PCDHB11: variants seen among roughly 807,000 people sequenced by gnomAD.
PCDHB11 encodes the protein protocadherin beta 11, also known as protocadherin beta-11.
For missense variants in PCDHB11, 1,151 were observed against 1,003.4 expected, an observed-to-expected ratio of 1.15 and a Z score of -1.99; for synonymous variants, 522 against 442.0, an observed-to-expected ratio of 1.18 and a Z score of -2.27.
rs782031586 is a variant in PCDHB11 at position 141,201,768 on chromosome 5, G to A, written c.1994G>A (p.Gly665Asp). The A allele has an allele frequency of 6.2e-7, 1 of 1,609,170 alleles. No individual in the cohort carries two copies. Among genetic ancestry groups the A allele is most frequent in the Non-Finnish European group, 8.5e-7 (1 of 1,179,756 alleles). The part of the protein sequence containing the change: ...TATLQVLLVD[G>D]FSQPYLPLPE... ...ACGCTGCAAGTGCTCCTGGTGGACG[G>A]CTTCTCCCAGCCCTACCTGCCGCTC... Residue 665 changes from glycine (G) to aspartate (D), a missense_variant, in exon 1 of 1, where the codon GGC (glycine) becomes GAC (aspartate). Gly to Asp is a moderately conservative substitution (Grantham distance 94, BLOSUM62 -1). Coordinates refer to ENST00000354757, the MANE Select transcript of PCDHB11 (RefSeq NM_018931.3).
chr5:141,201,852 C>G lies in PCDHB11; in HGVS notation c.2078C>G (p.Ala693Gly). The G allele has an allele frequency of 6.2e-7, 1 of 1,611,006 alleles. No homozygotes were observed. The highest frequency in any genetic ancestry group is 8.5e-7 in the Non-Finnish European group (1 of 1,179,848). Residue 693 changes from alanine (A) to glycine (G), a missense_variant, in exon 1 of 1, where the codon GCG becomes GGG. By Grantham distance (60) the Ala-to-Gly change is moderately conservative. Coordinates refer to ENST00000354757, the MANE Select transcript of PCDHB11 (RefSeq NM_018931.3). ...ADSLTVYLVV[A>G]LASVSSLFLF... ...TCGCTCACCGTCTACTTGGTGGTGG[C>G]GTTGGCCTCGGTGTCTTCGCTCTTC... is the stretch of plus-strand genomic sequence containing the variant.
chr5:141,202,415 T>A lies in PCDHB11; in HGVS notation c.*247T>A. 1 of 301,828 alleles carries A rather than the reference T, an allele frequency of 3.3e-6. No homozygotes were observed. Among genetic ancestry groups the A allele is most frequent in the Non-Finnish European group, 6.0e-6 (1 of 166,850 alleles). The allele number at this position is 301,828 out of a possible 1,614,324, so 18.7% of individuals were successfully genotyped here. A position where few individuals can be genotyped will look rare whatever the true frequency, so the allele number is the denominator to read the frequency against. On this transcript the variant is annotated 3_prime_UTR_variant, in exon 1 of 1. Transcript: ENST00000354757. ...CTCGGGTTCAAGCAATTCTCCTGCA[T>A]CAGCCTCCCGAGTAGCTGGCATTAC...
In PCDHB11 at chr5:141,202,234, T is replaced by A; in HGVS notation, c.*66T>A. 7.5e-7 allele frequency: 1 copy of A among 1,327,232 alleles called. No homozygotes were observed. The highest frequency in any genetic ancestry group is 1.0e-6 in the Non-Finnish European group (1 of 977,662). The allele number at this position is 1,327,232 out of a possible 1,614,324, so 82.2% of individuals were successfully genotyped here. A position where few individuals can be genotyped will look rare whatever the true frequency, so the allele number is the denominator to read the frequency against. Reference sequence around the variant, plus strand: ...ATGTAACCATATCAATATTATTTAGTCTTAAACTAGTTACGTTATTATGCA... The same window carrying A: ...ATGTAACCATATCAATATTATTTAGACTTAAACTAGTTACGTTATTATGCA... On this transcript the variant is annotated 3_prime_UTR_variant, in exon 1 of 1. Transcript: ENST00000354757.
Position 141,199,873 on chromosome 5 carries a change from T to G in PCDHB11, c.99T>G (p.Phe33Leu). The change falls in exon 1 of 1, where the codon TTT becomes TTG. Residue 33 changes from phenylalanine to leucine, a missense_variant. Coordinates refer to ENST00000354757, the MANE Select transcript of PCDHB11 (RefSeq NM_018931.3). ...AGGCGGGCTCTGAAACCTGGAGCTTTTCTGTGGCAGAAGAAATGCAGAGCG... is the reference window on the plus strand; with the variant it reads ...AGGCGGGCTCTGAAACCTGGAGCTTGTCTGTGGCAGAAGAAATGCAGAGCG... ...MSQAGSETWS[F>L]SVAEEMQSGS... The G allele has an allele frequency of 6.2e-7, 1 of 1,614,138 alleles. No homozygotes were observed. Among genetic ancestry groups the G allele is most frequent in the Non-Finnish European group, 8.5e-7 (1 of 1,180,036 alleles).
At position 141,200,031 on chromosome 5, in the gene PCDHB11, T is replaced by G. The variant is rs1754127297; in HGVS notation, c.257T>G (p.Leu86Ter). Residue 86 changes from leucine (L) to a stop codon, truncating the protein, a stop_gained, in exon 1 of 1, where the codon TTA becomes TGA. Transcript: ENST00000354757. LOFTEE classifies it low-confidence loss of function (END_TRUNC). Reference protein sequence around the residue: ...QLDINTGDLLLSETLDREELC... With the variant: ...QLDINTGDLL ...GACATAAACACTGGGGATTTGCTCT[T>G]AAGTGAAACACTAGACAGGGAGGAG... is the stretch of plus-strand genomic sequence containing the variant. The G allele has an allele frequency of 6.2e-7, 1 of 1,614,156 alleles. No homozygotes were observed. The highest frequency in any genetic ancestry group is 8.5e-7 in the Non-Finnish European group (1 of 1,180,034).
Position 141,200,082 on chromosome 5 carries a change from T to A in PCDHB11, c.308T>A (p.Val103Glu). ...EELCGSIEPCVLHLQVLMQNP... is the reference protein window; with the variant it reads ...EELCGSIEPCELHLQVLMQNP... Reference sequence around the variant, plus strand: ...CTCTGCGGTTCCATCGAGCCTTGCGTGCTACATTTGCAGGTGTTAATGCAA... The same window carrying A: ...CTCTGCGGTTCCATCGAGCCTTGCGAGCTACATTTGCAGGTGTTAATGCAA... The change falls in exon 1 of 1, where the codon GTG (valine) becomes GAG (glutamate). Residue 103 changes from valine to glutamate, a missense_variant. By Grantham distance (121) the Val-to-Glu change is moderately radical. Coordinates refer to ENST00000354757, the MANE Select transcript of PCDHB11 (RefSeq NM_018931.3). 1 of 1,614,176 alleles carries A rather than the reference T, an allele frequency of 6.2e-7. No homozygotes were observed. Among genetic ancestry groups the A allele is most frequent in the Non-Finnish European group, 8.5e-7 (1 of 1,180,038 alleles).
Position 141,200,249 on chromosome 5 carries a change from G to A in PCDHB11, c.475G>A (p.Asp159Asn). 1 of 1,614,146 alleles carries A rather than the reference G, an allele frequency of 6.2e-7. No homozygotes were observed. Among genetic ancestry groups the A allele is most frequent in the Non-Finnish European group, 8.5e-7 (1 of 1,180,026 alleles). ...TGTGTTCTTACTAGAAAGTGCGAAG[G>A]ATTTAGATGTAGGAATCAATGCTGT... is the stretch of plus-strand genomic sequence containing the variant. ...GAVFLLESAK[D>N]LDVGINAVKS... Residue 159 changes from aspartate to asparagine, a missense_variant, in exon 1 of 1, where the codon GAT becomes AAT. Transcript: ENST00000354757.
chr5:141,200,783 G>T lies in PCDHB11; in HGVS notation c.1009G>T (p.Val337Leu). ...TGGAAAATCTACAGTCATAATTCAC[G>T]TGATAGATGTAAATGACAATGCTCC... ...LFGKSTVIIH[V>L]IDVNDNAPEI... The change falls in exon 1 of 1, where the codon GTG (valine) becomes TTG (leucine). Residue 337 changes from valine to leucine, a missense_variant. Physicochemically the swap from Val to Leu is conservative, Grantham distance 32 (BLOSUM62 1). Transcript: ENST00000354757. The T allele has an allele frequency of 5.0e-6, 8 of 1,614,158 alleles. No homozygotes were observed. Among genetic ancestry groups the T allele is most frequent in the East Asian group, 4.5e-5 (2 of 44,884 alleles).
rs781783733 is a variant in PCDHB11, at chr5:141,201,034, C to CA, written c.1261dup (p.Ile421AsnfsTer23). On this transcript the variant is annotated frameshift_variant, in exon 1 of 1. Transcript: ENST00000354757. LOFTEE classifies it low-confidence loss of function (END_TRUNC). ...AGAGCACAGCCGAGTACAATATCAC[C>CA]ATCACCGTCACCGACTTGGGGATAC... The CA allele has an allele frequency of 1.9e-5, 30 of 1,614,200 alleles. No homozygotes were observed. In the South Asian group the frequency reaches 3.1e-4, roughly 17 times the overall value.
chr5:141,201,106 C>T lies in PCDHB11; in HGVS notation c.1332C>T (p.Val444=). ...EHNTTVLVSD[V]NDNAPTFTQT... ...ACACAACTGTGTTGGTCTCTGACGT[C>T]AATGACAACGCCCCCACCTTCACCC... Residue 444 remains valine, a synonymous_variant, in exon 1 of 1, where the codon GTC becomes GTT. Coordinates refer to ENST00000354757, the MANE Select transcript of PCDHB11 (RefSeq NM_018931.3). 6.2e-7 allele frequency: 1 copy of T among 1,614,166 alleles called. No homozygotes were observed. The highest frequency in any genetic ancestry group is 8.5e-7 in the Non-Finnish European group (1 of 1,180,046).
Position 141,200,463 on chromosome 5 carries a change from T to C in PCDHB11, c.689T>C (p.Val230Ala), listed in dbSNP as rs782042403. The change falls in exon 1 of 1, where the codon GTG (valine) becomes GCG (alanine). Residue 230 changes from valine (V) to alanine (A), a missense_variant. Physicochemically the swap from Val to Ala is moderately conservative, Grantham distance 64. Coordinates refer to ENST00000354757, the MANE Select transcript of PCDHB11 (RefSeq NM_018931.3). The stretch of plus-strand genomic sequence containing the variant: ...AGGTCTGGAACTGCCTTGGTCAGGG[T>C]GGTGGTTGTGGACATTAATGACAAC... The part of the protein sequence containing the change: ...PPRSGTALVR[V>A]VVVDINDNSP... 1.2e-6 allele frequency: 2 copies of C among 1,614,010 alleles called. No homozygotes were observed. Among genetic ancestry groups the C allele is most frequent in the East Asian group, 2.2e-5 (1 of 44,882 alleles).
chr5:141,203,049 C>G lies in PCDHB11; in HGVS notation c.*881C>G, dbSNP rs1754243591. The G allele has an allele frequency of 6.6e-6, 1 of 152,020 alleles. No individual in the cohort carries two copies. Among genetic ancestry groups the G allele is most frequent in the South Asian group, 2.1e-4 (1 of 4,816 alleles). 9.4% of individuals were successfully genotyped at this position (152,020 alleles called of 1,614,324 possible). A position where few individuals can be genotyped will look rare whatever the true frequency, so the allele number is the denominator to read the frequency against. On this transcript the variant is annotated 3_prime_UTR_variant, in exon 1 of 1. Coordinates refer to ENST00000354757, the MANE Select transcript of PCDHB11 (RefSeq NM_018931.3). ...TACAATAATTTACTGATTATTATTT[C>G]TTATTCTAGAAAACTGACTTTGATT...
chr5:141,199,631 AG>A lies in PCDHB11; in HGVS notation c.-143del. On this transcript the variant is annotated 5_prime_UTR_variant, in exon 1 of 1. Coordinates refer to ENST00000354757, the MANE Select transcript of PCDHB11 (RefSeq NM_018931.3). ...CAGTGCACACAGAGAATCAGAAGAC[AG>A]AAACAACAAGCCTTCAAGAGGGTGA... The A allele has an allele frequency of 1.5e-6, 1 of 660,982 alleles. No homozygotes were observed. The highest frequency in any genetic ancestry group is 2.6e-6 in the Non-Finnish European group (1 of 391,692). 40.9% of individuals were successfully genotyped at this position (660,982 alleles called of 1,614,324 possible). A position where few individuals can be genotyped will look rare whatever the true frequency, so the allele number is the denominator to read the frequency against.
At position 141,201,761 on chromosome 5, in the gene PCDHB11, G is replaced by C; in HGVS notation, c.1987G>C (p.Val663Leu). 1 of 1,609,362 alleles carries C rather than the reference G, an allele frequency of 6.2e-7. No homozygotes were observed. The highest frequency in any genetic ancestry group is 8.5e-7 in the Non-Finnish European group (1 of 1,179,752). Reference sequence around the variant, plus strand: ...CACCGCCACGCTGCAAGTGCTCCTGGTGGACGGCTTCTCCCAGCCCTACCT... The same window carrying C: ...CACCGCCACGCTGCAAGTGCTCCTGCTGGACGGCTTCTCCCAGCCCTACCT... Reference protein sequence around the residue: ...SATATLQVLLVDGFSQPYLPL... With the variant: ...SATATLQVLLLDGFSQPYLPL... The change falls in exon 1 of 1, where the codon GTG (valine) becomes CTG (leucine). Residue 663 changes from valine to leucine, a missense_variant. Transcript: ENST00000354757.
rs1420340953 is a variant in PCDHB11 at position 141,200,350 on chromosome 5, C to A, written c.576C>A (p.Pro192=). Residue 192 remains proline (P), a synonymous_variant, in exon 1 of 1, where the codon CCC becomes CCA. Transcript: ENST00000354757. The stretch of plus-strand genomic sequence containing the variant: ...TCATTCCAGACAATAGGAAATACCC[C>A]GAGTTAGTTCTGGACAAGGCGCTGG... The part of the protein sequence containing the change: ...MRVIPDNRKY[P]ELVLDKALDY... The A allele has an allele frequency of 9.9e-6, 16 of 1,614,118 alleles. No individual in the cohort carries two copies. Among genetic ancestry groups the A allele is most frequent in the Non-Finnish European group, 1.0e-5 (12 of 1,180,006 alleles).
rs1754256925 is a variant in PCDHB11, at chr5:141,203,696, T to TAG, written c.*1529_*1530insGA. 1 of 151,946 alleles carries TAG rather than the reference T, an allele frequency of 6.6e-6. No individual in the cohort carries two copies. The highest frequency in any genetic ancestry group is 1.5e-5 in the Non-Finnish European group (1 of 67,994). The allele number at this position is 151,946 out of a possible 1,614,324, so 9.4% of individuals were successfully genotyped here. ...TAATGCTTTTGTGTGTGTATATATA[T>TAG]ATATAGAGAGAGAGAGAGATCATGG... On this transcript the variant is annotated 3_prime_UTR_variant, in exon 1 of 1. Transcript: ENST00000354757.
Position 141,201,927 on chromosome 5 carries a change from G to C in PCDHB11, c.2153G>C (p.Arg718Thr). The C allele has an allele frequency of 6.2e-7, 1 of 1,613,150 alleles. No individual in the cohort carries two copies. Among genetic ancestry groups the C allele is most frequent in the Non-Finnish European group, 8.5e-7 (1 of 1,179,306 alleles). ...GCGGTGCGGCTGTGCAGGAGGAGCA[G>C]GGCGGCCTCGGTGGGAAGCTGCTCG... is the stretch of plus-strand genomic sequence containing the variant. The part of the protein sequence containing the change: ...FVAVRLCRRS[R>T]AASVGSCSVP... The change falls in exon 1 of 1, where the codon AGG becomes ACG. Residue 718 changes from arginine (R) to threonine (T), a missense_variant. Transcript: ENST00000354757.
chr5:141,201,854 T>G lies in PCDHB11; in HGVS notation c.2080T>G (p.Leu694Val), dbSNP rs1481195604. ...DSLTVYLVVA[L>V]ASVSSLFLFS... ...GCTCACCGTCTACTTGGTGGTGGCG[T>G]TGGCCTCGGTGTCTTCGCTCTTCCT... Residue 694 changes from leucine (L) to valine (V), a missense_variant, in exon 1 of 1, where the codon TTG (leucine) becomes GTG (valine). Transcript: ENST00000354757. 6.2e-7 allele frequency: 1 copy of G among 1,610,908 alleles called. No homozygotes were observed. The highest frequency in any genetic ancestry group is 8.5e-7 in the Non-Finnish European group (1 of 1,179,804).
Position 141,200,333 on chromosome 5 carries a change from G to A in PCDHB11, c.559G>A (p.Asp187Asn), listed in dbSNP as rs781845952. ...TCACATTAAAATGAGAGTCATTCCA[G>A]ACAATAGGAAATACCCCGAGTTAGT... ...HFHIKMRVIPDNRKYPELVLD... is the reference protein window; with the variant it reads ...HFHIKMRVIPNNRKYPELVLD... Residue 187 changes from aspartate to asparagine, a missense_variant, in exon 1 of 1, where the codon GAC becomes AAC. Transcript: ENST00000354757. 39 of 1,614,106 alleles carry A rather than the reference G, an allele frequency of 2.4e-5. No individual in the cohort carries two copies. Among genetic ancestry groups the A allele is most frequent in the Non-Finnish European group, 3.3e-5 (39 of 1,180,026 alleles).
Sources: allele counts gnomAD v4.1 joint callset, GRCh38; gene constraint gnomAD v4.1.1; transcripts MANE v1.5; gene names NCBI Gene and HGNC (gene_info 2026-07-23, HGNC 2026-07-21).